ZMYM2: variants seen among roughly 807,000 people sequenced by gnomAD.
ZMYM2 encodes zinc finger MYM-type containing 2, also known as zinc finger MYM-type protein 2.
In ZMYM2, 56 loss-of-function variants were observed where a neutral mutation model predicts 162.8. The observed-to-expected ratio is 0.34, with a 90% CI of 0.28 to 0.43. The LOEUF is 0.43. Ranked by LOEUF, ZMYM2 falls within the 20% of genes least tolerant of loss-of-function variation. The probability of loss-of-function intolerance (pLI) is 1.00; values close to 1 mark genes in which losing one functional copy is unlikely to be tolerated. For missense variants in ZMYM2, 1,275 were observed against 1,621.8 expected (o/e 0.79, Z 3.67); for synonymous variants, 510 against 541.6 (o/e 0.94, Z 0.81).
the ZMYM2 span, among the ~76,000 whole-genome samples, chr13:19,904,112 A>G: frequency 1.3e-5 from 2 of 152,160 alleles, no homozygotes; most frequent in Non-Finnish European, 2.9e-5. Flanking sequence ...GAGGCCTAAA[A>G]CTCATATCTG....
chr13:19,993,267 T>G lies in ZMYM2; in HGVS notation c.195T>G (p.Pro65=), dbSNP rs1321944070. The G allele has an allele frequency of 6.2e-7, 1 of 1,613,984 alleles. No individual in the cohort carries two copies. The change falls in exon 3 of 25, where the codon CCT becomes CCG. Residue 65 remains proline (P), a synonymous_variant. Transcript: ENST00000610343. ...ATGATGATGTTGTTTTTATCGAACC[T>G]GTACAACCTCCCCCACCTTCTGTAC... ...EDDDDVVFIE[P]VQPPPPSVPV...
At chr13:19,977,096 C>T (rs1342089267) in intron 2 of ZMYM2, among the ~76,000 whole-genome samples, 3 of 152,182 alleles carry the variant, frequency 2.0e-5, no homozygotes, top group Non-Finnish European at 4.4e-5. Context: ...CTCCAATTCT[C>T]ATTTGGTTAA....
chr13:20,042,427 A>G (rs534540871), intron 12 of ZMYM2, among the ~76,000 whole-genome samples: 5 of 152,076 alleles, frequency 3.3e-5, no homozygotes, highest in East Asian at 3.9e-4. Flanking sequence ...ATTCTTTTCT[A>G]TACTGGGTAT....
At chr13:20,029,401 G>A (rs914796561) in intron 9 of ZMYM2, among the ~76,000 whole-genome samples, 2 of 152,184 alleles carry the variant, frequency 1.3e-5, no homozygotes, top group Admixed American at 6.5e-5. Context: ...ATGAATTTGT[G>A]GGGGAACACC....
rs139826847 is a variant in ZMYM2 at position 19,973,775 on chromosome 13, G to A, written c.-11+13749G>A. Among the ~76,000 whole-genome samples the A allele has an allele frequency of 8.4e-3, 1,279 of 151,638 alleles. 32 individuals carry two copies. Among genetic ancestry groups the A allele is most frequent in the African/African-American group, 0.029 (1,203 of 41,288 alleles). ...GTCCAATCCGCGGCCCGCAGGTCCCGTGCTGCCTAGGAGGTCTTTTGAGTG... is the reference window on the plus strand; with the variant it reads ...GTCCAATCCGCGGCCCGCAGGTCCCATGCTGCCTAGGAGGTCTTTTGAGTG... On this transcript the variant is annotated intron_variant, in intron 2 of 24. Coordinates refer to ENST00000610343, the MANE Select transcript of ZMYM2 (RefSeq NM_197968.4).
chr13:20,041,079 G>C (rs1289377182), intron 12 of ZMYM2, among the ~76,000 whole-genome samples: 2 of 152,118 alleles, frequency 1.3e-5, no homozygotes, highest in Non-Finnish European at 2.9e-5. Flanking sequence ...TGTATATTCT[G>C]TTGTTTTGGG....
At chr13:19,956,269 CT>C (rs34969340), upstream of ZMYM2, among the ~76,000 whole-genome samples, 69,028 of 151,994 alleles carry the variant, frequency 0.45, 17,660 homozygotes, top group East Asian at 0.67. Context: ...TGTTTATTCA[CT>C]TAGCATAATG....
chr13:20,067,435 A>G (rs1956765267), intron 21 of ZMYM2, 45 bp downstream of exon 21: 2 of 1,515,224 alleles, frequency 1.3e-6, no homozygotes, highest in Non-Finnish European at 1.8e-6. Flanking sequence ...TTAATAAGAA[A>G]AGTTGTGGTA....
chr13:19,867,551 G>A, the ZMYM2 span, among the ~76,000 whole-genome samples: 2 of 151,948 alleles, frequency 1.3e-5, no homozygotes, highest in East Asian at 1.9e-4. Context: ...AGAAGAGAAG[G>A]AACAGAATCT....
the ZMYM2 span, among the ~76,000 whole-genome samples, chr13:19,943,000 G>T: frequency 6.6e-6 from 1 of 152,126 alleles, no homozygotes; most frequent in African/African-American, 2.4e-5. Context: ...AAACAGCACA[G>T]ATTTATTCTT....
chr13:20,075,284 C>CT (rs993231834), intron 21 of ZMYM2, among the ~76,000 whole-genome samples: 1 of 152,096 alleles, frequency 6.6e-6, no homozygotes, highest in African/African-American at 2.4e-5. Flanking sequence ...GAAACAGTAT[C>CT]TTTTTTTGTA....
chr13:19,980,624 G>A (rs1057291075), intron 2 of ZMYM2, among the ~76,000 whole-genome samples: 2 of 151,296 alleles, frequency 1.3e-5, no homozygotes, highest in African/African-American at 4.9e-5. Context: ...ATGGTGGCAG[G>A]CGCCTGTAAT....
intron 16 of ZMYM2, among the ~76,000 whole-genome samples, chr13:20,060,119 A>G (rs1190531899): frequency 6.6e-6 from 1 of 152,226 alleles, no homozygotes; most frequent in Admixed American, 6.5e-5. Context: ...GAGTATGCAT[A>G]GACTTTGGTA....
chr13:19,982,605 T>TTGG (rs1418929636), intron 2 of ZMYM2, among the ~76,000 whole-genome samples: 11 of 152,072 alleles, frequency 7.2e-5, no homozygotes, highest in Non-Finnish European at 1.2e-4. Flanking sequence ...TGCTATTAGG[T>TTGG]TGGTGCAAAA....
intron 12 of ZMYM2, among the ~76,000 whole-genome samples, chr13:20,047,615 G>A (rs1706649236): frequency 6.6e-6 from 1 of 152,114 alleles, no homozygotes; most frequent in South Asian, 2.1e-4. Context: ...ACTTTAGATT[G>A]AGAGACAACT....
In ZMYM2 at chr13:19,993,684, T is replaced by C. The variant is rs1256966152; in HGVS notation, c.612T>C (p.Asn204=). The C allele has an allele frequency of 6.2e-7, 1 of 1,613,840 alleles. No homozygotes were observed. The highest frequency in any genetic ancestry group is 1.3e-5 in the African/African-American group (1 of 74,926). ...CTGTGAATGATGGCCAATTAGAAAA[T>C]ACTGACGGGCGAGATATGAACTTAA... The part of the protein sequence containing the change: ...VSSVNDGQLE[N]TDGRDMNLMI... The change falls in exon 3 of 25, where the codon AAT becomes AAC. Residue 204 remains asparagine, a synonymous_variant. Coordinates refer to ENST00000610343, the MANE Select transcript of ZMYM2 (RefSeq NM_197968.4).
the ZMYM2 span, among the ~76,000 whole-genome samples, chr13:19,882,831 A>G: frequency 6.6e-5 from 10 of 152,170 alleles, no homozygotes; most frequent in African/African-American, 9.6e-5. Flanking sequence ...TGGAGCAACT[A>G]CTGTGGAAAA....
Position 20,059,461 on chromosome 13 carries a change from A to G in ZMYM2, c.2638A>G (p.Thr880Ala). Residue 880 changes from threonine (T) to alanine (A), a missense_variant, in exon 16 of 25, where the codon ACA becomes GCA. Thr to Ala is a moderately conservative substitution (Grantham distance 58, BLOSUM62 0). This residue lies in a region of ZMYM2 where 177 missense variants were observed against 228.0 expected (regional missense o/e 0.78). Coordinates refer to ENST00000610343, the MANE Select transcript of ZMYM2 (RefSeq NM_197968.4). ...TGTGTTTTTAGATGATACTTGGAGG[A>G]CAGAATATGTTCCAGTGCCTATCCC... The part of the protein sequence containing the change: ...KSCQTDDTWR[T>A]EYVPVPIPVP... 1 of 1,612,720 alleles carries G rather than the reference A, an allele frequency of 6.2e-7. No homozygotes were observed. Among genetic ancestry groups the G allele is most frequent in the South Asian group, 1.1e-5 (1 of 91,032 alleles).
intron 13 of ZMYM2, 65 bp downstream of exon 13, chr13:20,051,663 C>A: frequency 6.9e-7 from 1 of 1,446,144 alleles, no homozygotes; most frequent in Non-Finnish European, 9.3e-7. Flanking sequence ...GTTTTGAATC[C>A]AAAGCACTGA....
Sources: allele counts gnomAD v4.1 joint callset (sites outside exome capture counted in the v4.1 genomes callset), GRCh38; gene constraint gnomAD v4.1.1; regional missense constraint gnomAD v4.1.1; transcripts MANE v1.5; gene names NCBI Gene and HGNC (gene_info 2026-07-23, HGNC 2026-07-21).